Variants in ZNF609 observed in about 807,000 individuals in gnomAD.
ZNF609 encodes zinc finger protein 609.
A neutral mutation model predicts 109.5 loss-of-function variants in ZNF609; 11 were observed. The ratio of observed to expected loss-of-function variants is 0.10; its 90% CI spans 0.06 to 0.17. The LOEUF is 0.17. ZNF609 is among the 10% of genes least tolerant of loss of function. The pLI is 1.00. For synonymous variants in ZNF609, 646 were observed against 662.0 expected (o/e 0.98, Z 0.37); for missense variants, 1,559 against 1,772.4 (o/e 0.88, Z 2.16).
chr15:64,578,561 C>T (rs574752723), intron 2 of ZNF609, among the ~76,000 whole-genome samples: 99 of 152,114 alleles, frequency 6.5e-4, no homozygotes, highest in African/African-American at 2.3e-3. Flanking sequence ...TGTGTGGTGG[C>T]GTGCACCTGT....
At chr15:64,627,822 C>T (rs917844015) in intron 3 of ZNF609, among the ~76,000 whole-genome samples, 26 of 150,724 alleles carry the variant, frequency 1.7e-4, no homozygotes, top group Admixed American at 1.3e-3. Context: ...CATGTGCCGC[C>T]GTACTCAGCT....
chr15:64,593,204 A>G (rs1427720305), intron 2 of ZNF609: 14 of 1,521,972 alleles, frequency 9.2e-6, no homozygotes, highest in Non-Finnish European at 1.2e-5. Flanking sequence ...TTACTGTGTG[A>G]GTTGTGCAAT....
chr15:64,680,854 A>G lies in ZNF609; in HGVS notation c.4154A>G (p.Tyr1385Cys), dbSNP rs1284837978. The change falls in exon 8 of 10, where the codon TAT becomes TGT. Residue 1385 changes from tyrosine (Y) to cysteine (C), a missense_variant. Around this residue, in one of 4 missense-constraint regions of ZNF609, gnomAD observed 1,204 missense variants for 1,314.1 expected, o/e 0.92. Coordinates refer to ENST00000326648, the MANE Select transcript of ZNF609 (RefSeq NM_015042.2). ...SLLPAQYNLP[Y>C]AAGLSSTAIV... ...CTCCCAGCACAGTACAACTTACCCT[A>G]TGCAGCAGGTAAGCCTGTTTTCCCT... The G allele has an allele frequency of 5.6e-6, 9 of 1,609,606 alleles. No individual in the cohort carries two copies. The highest frequency in any genetic ancestry group is 2.7e-5 in the African/African-American group (2 of 74,886).
chr15:64,602,255 G>T (rs1055267728), intron 2 of ZNF609, among the ~76,000 whole-genome samples: 9 of 152,098 alleles, frequency 5.9e-5, no homozygotes, highest in African/African-American at 2.2e-4. Context: ...TCTTATGACA[G>T]TGTTCAGTTT....
Position 64,622,998 on chromosome 15 carries a change from G to A in ZNF609, c.919G>A (p.Glu307Lys). ...AGAGCCTGAGTGCTTGGGCCCCTGT[G>A]AACCTGGAACTAGCGTCAACCTTGA... ...ATEPECLGPC[E>K]PGTSVNLEGI... The change falls in exon 3 of 10, where the codon GAA (glutamate) becomes AAA (lysine). Residue 307 changes from glutamate (E) to lysine (K), a missense_variant. This residue lies in a region of ZNF609 where 38 missense variants were observed against 82.1 expected (regional missense o/e 0.46). Coordinates refer to ENST00000326648, the MANE Select transcript of ZNF609 (RefSeq NM_015042.2). 1.2e-6 allele frequency: 2 copies of A among 1,614,266 alleles called. No individual in the cohort carries two copies. The highest frequency in any genetic ancestry group is 1.7e-6 in the Non-Finnish European group (2 of 1,180,042).
intron 2 of ZNF609, among the ~76,000 whole-genome samples, chr15:64,540,436 ACT>A (rs1894230985): frequency 6.6e-6 from 1 of 151,698 alleles, no homozygotes; most frequent in Non-Finnish European, 1.5e-5. Context: ...ACGGAGTCTC[ACT>A]CTGTCACCTC....
chr15:64,680,778 C>T lies in ZNF609; in HGVS notation c.4078C>T (p.Gln1360Ter). 1 of 1,613,676 alleles carries T rather than the reference C, an allele frequency of 6.2e-7. No homozygotes were observed. Among genetic ancestry groups the T allele is most frequent in the Non-Finnish European group, 8.5e-7 (1 of 1,179,992 alleles). The change falls in exon 8 of 10, where the codon CAG becomes TAG. Residue 1360 changes from glutamine (Q) to a stop codon, truncating the protein, a stop_gained. Transcript: ENST00000326648. LOFTEE classifies it high-confidence loss of function. Reference sequence around the variant, plus strand: ...TGACCGGCCCCGCACCTCTCCTTCCCAGCGCCTGATGTCCACACACCACCA... The same window carrying T: ...TGACCGGCCCCGCACCTCTCCTTCCTAGCGCCTGATGTCCACACACCACCA... Reference protein sequence around the residue: ...SVDRPRTSPSQRLMSTHHHHH... With the variant: ...SVDRPRTSPS
chr15:64,624,761 CTTTT>C (rs11411889), intron 3 of ZNF609, among the ~76,000 whole-genome samples: 1 of 131,872 alleles, frequency 7.6e-6, no homozygotes, highest in African/African-American at 2.8e-5. Context: ...GTTACGTACA[CTTTT>C]TTTTTTTTTT....
At chr15:64,640,350 C>A (rs763758940) in intron 3 of ZNF609, among the ~76,000 whole-genome samples, 8 of 151,946 alleles carry the variant, frequency 5.3e-5, no homozygotes, top group Admixed American at 6.6e-5. Flanking sequence ...GAGTTCCTTT[C>A]TCTGCATTAC....
At chr15:64,469,057 C>A (rs2960197) in intron 1 of ZNF609, among the ~76,000 whole-genome samples, 111,710 of 119,386 alleles carry the variant, frequency 0.94, 52,095 homozygotes, top group East Asian at 1. Context: ...AAAAAAAAAA[C>A]AACACAATTC....
rs574583992 is a variant in ZNF609, at chr15:64,541,826, C to T, written c.747+41660C>T. On this transcript the variant is annotated intron_variant, in intron 2 of 9. Coordinates refer to ENST00000326648, the MANE Select transcript of ZNF609 (RefSeq NM_015042.2). ...CTGCACGCCAGCCTGGGCGACAGAG[C>T]GAGACTCCAACTCAAAAAAAAAAAA... Among the ~76,000 whole-genome samples, 491 of 122,690 alleles carry T rather than the reference C, an allele frequency of 4.0e-3. 2 individuals are homozygous for T. The highest frequency in any genetic ancestry group is 0.015 in the African/African-American group (470 of 30,934). The allele number at this position is 122,690 out of a possible 152,430, so 80.5% of individuals were successfully genotyped here.
intron 2 of ZNF609, among the ~76,000 whole-genome samples, chr15:64,576,543 C>T (rs1255315899): frequency 1.3e-5 from 2 of 151,854 alleles, no homozygotes; most frequent in African/African-American, 2.4e-5. Flanking sequence ...ATCTAACTTC[C>T]ATGCCCTATT....
intron 1 of ZNF609, among the ~76,000 whole-genome samples, chr15:64,486,909 AT>A (rs755446708): frequency 2.6e-5 from 4 of 151,900 alleles, no homozygotes; most frequent in Non-Finnish European, 5.9e-5. Flanking sequence ...CTTTACTCCC[AT>A]TTTTCTAAAT....
chr15:64,646,470 A>C (rs1896335163), intron 3 of ZNF609, among the ~76,000 whole-genome samples: 1 of 150,750 alleles, frequency 6.6e-6, no homozygotes, highest in Non-Finnish European at 1.5e-5. Context: ...ATCTCTACTA[A>C]AAATACAAAA....
At chr15:64,616,479 C>T (rs1235506059) in intron 2 of ZNF609, among the ~76,000 whole-genome samples, 2 of 147,408 alleles carry the variant, frequency 1.4e-5, no homozygotes, top group African/African-American at 2.5e-5. Flanking sequence ...TGCCTACCAA[C>T]ATTGAGATCC....
At chr15:64,535,091 C>G (rs1302731620) in intron 2 of ZNF609, among the ~76,000 whole-genome samples, 1 of 152,016 alleles carries the variant, frequency 6.6e-6, no homozygotes, top group African/African-American at 2.4e-5. Context: ...AACAGGGTCT[C>G]TGTCACCCAG....
rs75349442 is a variant in ZNF609 at position 64,577,883 on chromosome 15, C to T, written c.748-44944C>T. Among the ~76,000 whole-genome samples, 517 of 151,522 alleles carry T rather than the reference C, an allele frequency of 3.4e-3. 9 individuals are homozygous for T. In the East Asian group the frequency reaches 0.038, roughly 11 times the overall value. On this transcript the variant is annotated intron_variant, in intron 2 of 9. Coordinates refer to ENST00000326648, the MANE Select transcript of ZNF609 (RefSeq NM_015042.2). ...TCAAAAAAAGAAAGCAGGCTTAGTG[C>T]AGTGGCTTATGCCTGTAACCCAACA... is the stretch of plus-strand genomic sequence containing the variant.
intron 3 of ZNF609, among the ~76,000 whole-genome samples, chr15:64,638,682 G>A (rs1192852345): frequency 3.3e-5 from 5 of 151,940 alleles, no homozygotes; most frequent in Non-Finnish European, 7.4e-5. Context: ...GATTTCTTGA[G>A]CCCGGGAATT....
intron 1 of ZNF609, among the ~76,000 whole-genome samples, chr15:64,478,044 A>C (rs1005131006): frequency 6.6e-6 from 1 of 151,586 alleles, no homozygotes; most frequent in South Asian, 2.1e-4. Context: ...GGACCCATTT[A>C]CTCTGTTTTT....
Sources: allele counts gnomAD v4.1 joint callset (sites outside exome capture counted in the v4.1 genomes callset), GRCh38; gene constraint gnomAD v4.1.1; regional missense constraint gnomAD v4.1.1; transcripts MANE v1.5; gene names NCBI Gene and HGNC (gene_info 2026-07-23, HGNC 2026-07-21).